HS6ST3: variants seen among roughly 807,000 people sequenced by gnomAD.
HS6ST3 encodes heparan-sulfate 6-O-sulfotransferase 3.
A neutral mutation model predicts 36.7 loss-of-function variants in HS6ST3; 12 were observed. That is an observed-to-expected ratio of 0.33 (90% CI 0.21 to 0.53). HS6ST3 has a LOEUF of 0.53. Ranked by LOEUF, HS6ST3 falls within the 20% of genes least tolerant of loss-of-function variation. The probability of loss-of-function intolerance (pLI) is 0.95; values close to 1 mark genes in which losing one functional copy is unlikely to be tolerated. For synonymous variants in HS6ST3, 240 were observed against 257.5 expected (o/e 0.93, Z 0.65); for missense variants, 584 against 640.9 (o/e 0.91, Z 0.96).
At chr13:96,121,846 A>G (rs2053926981) in intron 1 of HS6ST3, among the ~76,000 whole-genome samples, 1 of 152,152 alleles carries the variant, frequency 6.6e-6, no homozygotes. Context: ...ATGTTACTCC[A>G]TGTTGGTTAC....
chr13:96,178,995 C>A (rs941564955), intron 1 of HS6ST3, among the ~76,000 whole-genome samples: 11 of 152,270 alleles, frequency 7.2e-5, no homozygotes, highest in African/African-American at 2.6e-4. Context: ...CTAACATTTA[C>A]TAAAACAACA....
intron 1 of HS6ST3, among the ~76,000 whole-genome samples, chr13:96,720,217 T>C (rs1379860691): frequency 6.6e-6 from 1 of 152,188 alleles, no homozygotes; most frequent in Non-Finnish European, 1.5e-5. Context: ...CTAAAGAATT[T>C]GGTTTGTTTG....
intron 1 of HS6ST3, among the ~76,000 whole-genome samples, chr13:96,489,292 A>T (rs1227246476): frequency 6.6e-6 from 1 of 151,918 alleles, no homozygotes; most frequent in Non-Finnish European, 1.5e-5. Context: ...ATGGCTCTTC[A>T]TGTTAATTAG....
intron 1 of HS6ST3, among the ~76,000 whole-genome samples, chr13:96,172,647 A>G (rs1174354098): frequency 1.3e-5 from 2 of 152,202 alleles, no homozygotes. Flanking sequence ...CTTCCTTAAA[A>G]CAGTCACTGT....
chr13:96,696,581 C>G (rs1426736141), intron 1 of HS6ST3, among the ~76,000 whole-genome samples: 2 of 152,196 alleles, frequency 1.3e-5, no homozygotes, highest in African/African-American at 2.4e-5. Context: ...TCCCCAGGAA[C>G]AGTGTTCAGG....
Position 96,328,723 on chromosome 13 carries a change from T to C in HS6ST3, c.707+237154T>C, listed in dbSNP as rs1454356140. On this transcript the variant is annotated intron_variant, in intron 1 of 1. Transcript: ENST00000376705. ...AATGAGTTAGGGAGGATTCCCTCTTTTTCTATTGGTTGGAATAGTTTCAGA... is the reference window on the plus strand; with the variant it reads ...AATGAGTTAGGGAGGATTCCCTCTTCTTCTATTGGTTGGAATAGTTTCAGA... Among the ~76,000 whole-genome samples, 22 of 152,196 alleles carry C rather than the reference T, an allele frequency of 1.4e-4. No homozygotes were observed. In the East Asian group the frequency reaches 4.2e-3, roughly 29 times the overall value.
chr13:96,487,477 C>T (rs2055921164), intron 1 of HS6ST3, among the ~76,000 whole-genome samples: 1 of 152,030 alleles, frequency 6.6e-6, no homozygotes, highest in South Asian at 2.1e-4. Flanking sequence ...TGTGACATTC[C>T]TGCAAAGTAA....
Position 96,567,703 on chromosome 13 carries a change from A to G in HS6ST3, c.708-264787A>G, listed in dbSNP as rs140465362. ...TCACTAAAAATAAAGCTGGAAGAAT[A>G]TATTTGGGACATGTTTCGTGAATAC... On this transcript the variant is annotated intron_variant, in intron 1 of 1. Transcript: ENST00000376705. Among the ~76,000 whole-genome samples the G allele has an allele frequency of 2.7e-3, 414 of 152,356 alleles. 1 individual carries two copies. The highest frequency in any genetic ancestry group is 9.6e-3 in the African/African-American group (400 of 41,582).
At chr13:96,620,974 C>T (rs1407777058) in intron 1 of HS6ST3, among the ~76,000 whole-genome samples, 1 of 152,156 alleles carries the variant, frequency 6.6e-6, no homozygotes, top group African/African-American at 2.4e-5. Flanking sequence ...AGCCAAGGAG[C>T]TCAGTCCTAG....
chr13:96,364,707 G>A, intron 1 of HS6ST3, among the ~76,000 whole-genome samples: 1 of 152,136 alleles, frequency 6.6e-6, no homozygotes, highest in East Asian at 1.9e-4. Context: ...ATAATGTTGT[G>A]AATGTACTTA....
intron 1 of HS6ST3, among the ~76,000 whole-genome samples, chr13:96,695,065 G>A (rs1875086734): frequency 6.6e-6 from 1 of 152,006 alleles, no homozygotes; most frequent in African/African-American, 2.4e-5. Flanking sequence ...TTTCATGTAG[G>A]AATACTTTTG....
At chr13:96,169,259 A>AT (rs5805953) in intron 1 of HS6ST3, among the ~76,000 whole-genome samples, 139,248 of 149,680 alleles carry the variant, frequency 0.93, 64,865 homozygotes, top group Non-Finnish European at 0.96. Context: ...CCAGTGTGGC[A>AT]TTTTTTTTTT....
intron 1 of HS6ST3, among the ~76,000 whole-genome samples, chr13:96,253,929 C>T (rs1018123846): frequency 6.6e-6 from 1 of 152,050 alleles, no homozygotes; most frequent in African/African-American, 2.4e-5. Flanking sequence ...AAAGATTGAC[C>T]ATTTTTTCTT....
At chr13:96,468,560 G>A (rs2055825654) in intron 1 of HS6ST3, among the ~76,000 whole-genome samples, 1 of 151,850 alleles carries the variant, frequency 6.6e-6, no homozygotes, top group African/African-American at 2.4e-5. Context: ...CAAGGAAAAT[G>A]AGGAAGCTAG....
At chr13:96,567,531 G>A (rs934841891) in intron 1 of HS6ST3, among the ~76,000 whole-genome samples, 1 of 151,962 alleles carries the variant, frequency 6.6e-6, no homozygotes, top group Admixed American at 6.6e-5. Context: ...TAAAATACAG[G>A]CATTTCTAGG....
intron 1 of HS6ST3, among the ~76,000 whole-genome samples, chr13:96,791,160 C>T (rs373591465): frequency 7.0e-4 from 107 of 152,070 alleles, no homozygotes; most frequent in African/African-American, 2.5e-3. Flanking sequence ...AGATGACTCC[C>T]TCATACAGCA....
intron 1 of HS6ST3, among the ~76,000 whole-genome samples, chr13:96,310,782 T>C (rs1474241394): frequency 6.6e-6 from 1 of 152,170 alleles, no homozygotes; most frequent in Non-Finnish European, 1.5e-5. Flanking sequence ...TGTGGCATTT[T>C]TTTGGGTTCT....
At chr13:96,177,775 TTAAAAA>T (rs964502800) in intron 1 of HS6ST3, among the ~76,000 whole-genome samples, 1 of 28,706 alleles carries the variant, frequency 3.5e-5, no homozygotes, top group African/African-American at 1.5e-4. Context: ...AAAATAAAAG[TTAAAAA>T]TAAATAAATA....
chr13:96,684,748 A>G (rs748055115), intron 1 of HS6ST3, among the ~76,000 whole-genome samples: 11 of 152,014 alleles, frequency 7.2e-5, no homozygotes, highest in Non-Finnish European at 1.3e-4. Context: ...GTGCAGCTCC[A>G]TGACATAAAA....
Sources: gnomAD v4.1 joint callset for allele counts (sites outside exome capture counted in the v4.1 genomes callset) on GRCh38, gnomAD v4.1.1 for gene constraint, MANE v1.5 for transcripts, NCBI Gene and HGNC (gene_info 2026-07-23, HGNC 2026-07-21) for gene names.